CLSTN2: variants seen among roughly 807,000 people sequenced by gnomAD.
CLSTN2 encodes calsyntenin-2.
CLSTN2 carries 48 observed loss-of-function variants against 101.2 expected under a neutral mutation model. That is an observed-to-expected ratio of 0.47 (90% confidence interval 0.38 to 0.60). The LOEUF (loss-of-function observed/expected upper bound fraction) is 0.60. Ranked by LOEUF, CLSTN2 falls within the 20% of genes least tolerant of loss-of-function variation. The pLI is 0.00. For synonymous variants in CLSTN2, 481 were observed against 463.6 expected, an observed-to-expected ratio of 1.04 and a Z score of -0.48; for missense variants, 1,160 against 1,238.2, an observed-to-expected ratio of 0.94 and a Z score of 0.95.
chr3:140,455,735 C>T (rs2108013625), intron 6 of CLSTN2, among the ~76,000 whole-genome samples: 1 of 152,212 alleles, frequency 6.6e-6, no homozygotes, highest in East Asian at 1.9e-4. Context: ...TACCCACTGC[C>T]TTCCCAAGGG....
chr3:140,002,369 A>G (rs2006860820), intron 1 of CLSTN2, among the ~76,000 whole-genome samples: 1 of 152,186 alleles, frequency 6.6e-6, no homozygotes, highest in South Asian at 2.1e-4. Context: ...TCTTTTGAGA[A>G]ATATCTGTTC....
intron 1 of CLSTN2, among the ~76,000 whole-genome samples, chr3:139,978,646 G>A (rs1040760741): frequency 1.7e-5 from 2 of 118,326 alleles, no homozygotes; most frequent in Admixed American, 1.9e-4. Flanking sequence ...GGGGATGGGG[G>A]ATTGTGTGTG....
At position 140,315,069 on chromosome 3, in the gene CLSTN2, A is replaced by C. The variant is rs2087215634; in HGVS notation, c.233-88560A>C. On this transcript the variant is annotated intron_variant, in intron 2 of 16. Coordinates refer to ENST00000458420, the MANE Select transcript of CLSTN2 (RefSeq NM_022131.3). ...AAGGCAGTTATTAGAGTGTCCTGAA[A>C]GTTGTGAGTGCTTGCTGGCAAGGAG... Among the ~76,000 whole-genome samples the C allele has an allele frequency of 2.6e-5, 4 of 152,322 alleles. No individual in the cohort carries two copies. The South Asian group carries it at 8.3e-4, about 32-fold the overall frequency.
intron 8 of CLSTN2, among the ~76,000 whole-genome samples, chr3:140,504,276 C>T (rs1325979875): frequency 1.3e-5 from 2 of 151,928 alleles, no homozygotes; most frequent in African/African-American, 2.4e-5. Flanking sequence ...AACAAGGGGT[C>T]CTTCTTGAAA....
intron 2 of CLSTN2, among the ~76,000 whole-genome samples, chr3:140,237,496 C>T (rs575245075): frequency 2.0e-5 from 3 of 152,176 alleles, no homozygotes; most frequent in South Asian, 2.1e-4. Context: ...CTATGCGTCT[C>T]CTTCCTCTCT....
At chr3:140,408,043 T>C (rs2088323970) in intron 4 of CLSTN2, among the ~76,000 whole-genome samples, 1 of 151,930 alleles carries the variant, frequency 6.6e-6, no homozygotes, top group South Asian at 2.1e-4. Flanking sequence ...TGAAAGAAAA[T>C]AGCTGTAGGA....
chr3:140,221,723 T>A (rs977279041), intron 2 of CLSTN2, among the ~76,000 whole-genome samples: 1 of 152,168 alleles, frequency 6.6e-6, no homozygotes, highest in East Asian at 1.9e-4. Context: ...TAAACAGGTA[T>A]GTGAAAAGGT....
chr3:140,453,669 C>T (rs1477485210), intron 6 of CLSTN2, among the ~76,000 whole-genome samples: 2 of 152,158 alleles, frequency 1.3e-5, no homozygotes, highest in Non-Finnish European at 2.9e-5. Flanking sequence ...TGCTAATTAT[C>T]CTGAATTGAT....
chr3:140,432,187 C>T (rs1449898061), intron 5 of CLSTN2, among the ~76,000 whole-genome samples: 1 of 89,298 alleles, frequency 1.1e-5, no homozygotes, highest in Non-Finnish European at 2.7e-5. Context: ...TCTCAGATTT[C>T]AGTCTCAGCT....
intron 2 of CLSTN2, among the ~76,000 whole-genome samples, chr3:140,334,570 T>C (rs1193556149): frequency 2.0e-5 from 3 of 152,252 alleles, no homozygotes; most frequent in African/African-American, 4.8e-5. Flanking sequence ...TTACAGCACC[T>C]TATGAGGAGC....
chr3:140,459,153 G>A (rs1933491717), intron 6 of CLSTN2, among the ~76,000 whole-genome samples: 1 of 152,172 alleles, frequency 6.6e-6, no homozygotes, highest in Non-Finnish European at 1.5e-5. Context: ...GTTAACAGAT[G>A]GATAGGTGTG....
Position 140,158,139 on chromosome 3 carries a change from T to C in CLSTN2, c.110-17812T>C, listed in dbSNP as rs149308178. Among the ~76,000 whole-genome samples, 1,000 of 152,202 alleles carry C rather than the reference T, an allele frequency of 6.6e-3. 8 individuals carry two copies. The highest frequency in any genetic ancestry group is 0.022 in the African/African-American group (926 of 41,512). On this transcript the variant is annotated intron_variant, in intron 1 of 16. Coordinates refer to ENST00000458420, the MANE Select transcript of CLSTN2 (RefSeq NM_022131.3). ...AAGCTGGGAGCATTCCCCTTGAGAATTGGAACAAGCTAAGGATGCCCACAC... is the reference window on the plus strand; with the variant it reads ...AAGCTGGGAGCATTCCCCTTGAGAACTGGAACAAGCTAAGGATGCCCACAC...
At chr3:139,970,382 G>T (rs1935675089) in intron 1 of CLSTN2, among the ~76,000 whole-genome samples, 1 of 152,174 alleles carries the variant, frequency 6.6e-6, no homozygotes, top group Admixed American at 6.5e-5. Flanking sequence ...ATTACATTTT[G>T]TAATCTCCAC....
At chr3:140,266,901 G>A (rs998745528) in intron 2 of CLSTN2, among the ~76,000 whole-genome samples, 2 of 152,322 alleles carry the variant, frequency 1.3e-5, no homozygotes, top group South Asian at 2.1e-4. Context: ...AACTCTGGTT[G>A]TTAGTTGTTG....
At chr3:140,366,421 A>T (rs2087790132) in intron 2 of CLSTN2, among the ~76,000 whole-genome samples, 1 of 152,262 alleles carries the variant, frequency 6.6e-6, no homozygotes, top group Admixed American at 6.5e-5. Context: ...GAAAGCAGGC[A>T]TGAAATATTT....
chr3:140,517,181 A>G (rs562495131), intron 8 of CLSTN2, among the ~76,000 whole-genome samples: 1 of 151,872 alleles, frequency 6.6e-6, no homozygotes, highest in East Asian at 1.9e-4. Context: ...AAAAGTTGTG[A>G]TTGTTTTTCA....
At chr3:140,263,484 C>T (rs1001747175) in intron 2 of CLSTN2, among the ~76,000 whole-genome samples, 3 of 152,132 alleles carry the variant, frequency 2.0e-5, no homozygotes, top group Admixed American at 6.5e-5. Flanking sequence ...GGGTGTATTG[C>T]TCTAGAAGGA....
Position 140,146,954 on chromosome 3 carries a change from G to C in CLSTN2, c.110-28997G>C, listed in dbSNP as rs974996223. Among the ~76,000 whole-genome samples, 8 of 152,272 alleles carry C rather than the reference G, an allele frequency of 5.3e-5. No individual in the cohort carries two copies. The South Asian group carries it at 1.7e-3, about 32-fold the overall frequency. ...AGCACTAAGCTCTGTTTCAAACACT[G>C]GATATACAGAGACAATACAACCAGC... On this transcript the variant is annotated intron_variant, in intron 1 of 16. Transcript: ENST00000458420.
intron 2 of CLSTN2, among the ~76,000 whole-genome samples, chr3:140,243,946 A>T (rs777865729): frequency 2.6e-5 from 4 of 152,204 alleles, no homozygotes; most frequent in Non-Finnish European, 5.9e-5. Flanking sequence ...CACAGAGTAT[A>T]ACTGCCCCCT....
Sources: allele counts gnomAD v4.1 joint callset (sites outside exome capture counted in the v4.1 genomes callset), GRCh38; gene constraint gnomAD v4.1.1; transcripts MANE v1.5; gene names NCBI Gene and HGNC (gene_info 2026-07-23, HGNC 2026-07-21).